Variants in AMT observed in about 807,000 individuals in gnomAD.
AMT encodes aminomethyltransferase, mitochondrial.
A neutral mutation model predicts 39.5 loss-of-function variants in AMT; 24 were observed. The ratio of observed to expected loss-of-function variants is 0.61; its 90% CI spans 0.44 to 0.86. AMT has a LOEUF of 0.86. Ranked by LOEUF, AMT falls within the 40% of genes least tolerant of loss-of-function variation. AMT has a pLI of 0.00. For synonymous variants in AMT, 210 were observed against 212.1 expected, an observed-to-expected ratio of 0.99 and a Z score of 0.09; for missense variants, 501 against 537.0, an observed-to-expected ratio of 0.93 and a Z score of 0.66.
At position 49,417,081 on chromosome 3, in the gene AMT, T is replaced by A. The variant is rs1272972186; in HGVS notation, c.*459A>T. ...CATTCCTGACTTGCAGTAAGGACAA[T>A]TTGCATTTACGGAAAGCAAACTGGA... On this transcript the variant is annotated 3_prime_UTR_variant, in exon 9 of 9. Coordinates refer to ENST00000273588, the MANE Select transcript of AMT (RefSeq NM_000481.4). 1.5e-6 allele frequency: 1 copy of A among 670,166 alleles called. No homozygotes were observed. The highest frequency in any genetic ancestry group is 2.1e-5 in the Admixed American group (1 of 48,702). 41.5% of individuals were successfully genotyped at this position (670,166 alleles called of 1,614,324 possible).
intron 7 of AMT, chr3:49,418,332 G>A (rs1314154321): frequency 2.1e-5 from 7 of 326,810 alleles, no homozygotes; most frequent in South Asian, 5.8e-5. Flanking sequence ...ACAGGCACCC[G>A]CCACCACGCC....
intron 4 of AMT, 95 bp downstream of exon 4, chr3:49,420,116 C>T (rs920814229): frequency 6.5e-7 from 1 of 1,534,834 alleles, no homozygotes; most frequent in Non-Finnish European, 9.0e-7. Context: ...AGCCATTTTC[C>T]AGGTCCCTTG....
intron 5 of AMT, 105 bp downstream of exon 5, chr3:49,419,605 A>G: frequency 2.1e-6 from 3 of 1,448,174 alleles, no homozygotes; most frequent in South Asian, 2.3e-5. Flanking sequence ...ATGGCACACA[A>G]ATATCACACC....
intron 3 of AMT, chr3:49,420,631 A>G (rs2049084549): frequency 2.3e-6 from 1 of 427,800 alleles, no homozygotes; most frequent in Non-Finnish European, 4.4e-6. Flanking sequence ...AATCTATGAC[A>G]CCTAGGACCT....
rs138314933 is a variant in AMT at position 49,417,441 on chromosome 3, C to G, written c.*99G>C. On this transcript the variant is annotated 3_prime_UTR_variant, in exon 9 of 9. Coordinates refer to ENST00000273588, the MANE Select transcript of AMT (RefSeq NM_000481.4). ...ACCAGACAATTAGAATCAGCCTCCA[C>G]CTTAACTGCCCACCCCCAGTGAGTT... 41 of 1,613,230 alleles carry G rather than the reference C, an allele frequency of 2.5e-5. No homozygotes were observed. Among genetic ancestry groups the G allele is most frequent in the Non-Finnish European group, 3.5e-5 (41 of 1,179,888 alleles).
chr3:49,421,390 G>T, intron 3 of AMT, 102 bp downstream of exon 3: 1 of 886,022 alleles, frequency 1.1e-6, no homozygotes, highest in Non-Finnish European at 1.9e-6. Context: ...CTGAGAAGCT[G>T]TGTTTGACTC....
rs2049113347 is a variant in AMT at position 49,422,090 on chromosome 3, C to T, written c.258+14G>A. ...AAGGCCTGATCAGATGGCCAGTGTG[C>T]TCCCCTGGCTCACCTGCAGCATATG... is the stretch of plus-strand genomic sequence containing the variant. On this transcript the variant is annotated intron_variant, in intron 2 of 8. Coordinates refer to ENST00000273588, the MANE Select transcript of AMT (RefSeq NM_000481.4). The T allele has an allele frequency of 1.2e-6, 2 of 1,613,328 alleles. No individual in the cohort carries two copies. The highest frequency in any genetic ancestry group is 2.2e-5 in the East Asian group (1 of 44,884).
At chr3:49,419,920 G>T (rs2049070510) in intron 4 of AMT, 132 bp from the exon 5 acceptor site, 2 of 944,996 alleles carry the variant, frequency 2.1e-6, no homozygotes, top group Admixed American at 1.8e-5. Context: ...AAGGTAGTAG[G>T]CTGGTTCCCA....
intron 4 of AMT, 179 bp downstream of exon 4, chr3:49,420,032 C>A: frequency 1.1e-6 from 1 of 899,394 alleles, no homozygotes; most frequent in East Asian, 2.6e-5. Context: ...GCCTGGTAAT[C>A]CCCCACCACC....
intron 4 of AMT, 173 bp downstream of exon 4, chr3:49,420,038 C>A: frequency 1.1e-6 from 1 of 941,982 alleles, no homozygotes; most frequent in East Asian, 2.6e-5. Flanking sequence ...TAATCCCCCA[C>A]CACCAAACCC....
chr3:49,420,573 A>G, intron 3 of AMT: 1 of 555,444 alleles, frequency 1.8e-6, no homozygotes, highest in Middle Eastern at 5.0e-4. Context: ...ATCTGGTGCA[A>G]CCTCTGCACC....
chr3:49,421,458 A>C (rs1392284091), intron 3 of AMT, 34 bp downstream of exon 3: 1 of 1,587,880 alleles, frequency 6.3e-7, no homozygotes, highest in African/African-American at 1.3e-5. Flanking sequence ...CTCATGACTA[A>C]GAAAACTCAT....
At position 49,420,203 on chromosome 3, in the gene AMT, GGGTATA is replaced by G; in HGVS notation, c.471+2_471+7del. Reference sequence around the variant, plus strand: ...AGACAAGGTGTCTAGAACACAGAGGGGGTATACCTGCATGAGGGCCAAATCTTTCTC... The same window carrying G: ...AGACAAGGTGTCTAGAACACAGAGGGCCTGCATGAGGGCCAAATCTTTCTC... On this transcript the variant is annotated splice_donor_variant and splice_donor_5th_base_variant and intron_variant, in intron 4 of 8. Transcript: ENST00000273588. LOFTEE classifies it high-confidence loss of function. The G allele has an allele frequency of 6.2e-7, 1 of 1,614,192 alleles. No homozygotes were observed.
chr3:49,420,157 A>T (rs2049074053), intron 4 of AMT, 54 bp downstream of exon 4: 2 of 1,611,758 alleles, frequency 1.2e-6, no homozygotes, highest in African/African-American at 1.3e-5. Flanking sequence ...GACAACAAGG[A>T]TACTGCTCTA....
intron 5 of AMT, 110 bp downstream of exon 5, chr3:49,419,600 A>G: frequency 6.9e-7 from 1 of 1,444,462 alleles, no homozygotes; most frequent in Non-Finnish European, 9.8e-7. Context: ...AAATTATGGC[A>G]CACAAATATC....
intron 7 of AMT, chr3:49,418,500 T>TTTTTC (rs2049038975): frequency 7.4e-6 from 1 of 135,898 alleles, no homozygotes; most frequent in South Asian, 2.1e-4. Flanking sequence ...GTTTCTTTTT[T>TTTTTC]TTTTTTTTTT....
In AMT at chr3:49,419,304, A is replaced by AGCCAGACAC; in HGVS notation, c.643_651dup (p.Val215_Gly217dup). On this transcript the variant is annotated inframe_insertion, in exon 6 of 9. Transcript: ENST00000273588. ...GTGTAGCCACAGCGGGTCACGCGGCAGCCAGACACGCCAAACACCTCCATC... is the reference window on the plus strand; with the variant it reads ...GTGTAGCCACAGCGGGTCACGCGGCAGCCAGACACGCCAGACACGCCAAACACCTCCATC... 6.2e-7 allele frequency: 1 copy of AGCCAGACAC among 1,614,174 alleles called. No individual in the cohort carries two copies. The highest frequency in any genetic ancestry group is 8.5e-7 in the Non-Finnish European group (1 of 1,180,020).
Position 49,417,450 on chromosome 3 carries a change from C to T in AMT, c.*90G>A, listed in dbSNP as rs1240536424. The T allele has an allele frequency of 1.2e-6, 2 of 1,613,496 alleles. No individual in the cohort carries two copies. Among genetic ancestry groups the T allele is most frequent in the Non-Finnish European group, 1.7e-6 (2 of 1,179,898 alleles). On this transcript the variant is annotated 3_prime_UTR_variant, in exon 9 of 9. Transcript: ENST00000273588. Reference sequence around the variant, plus strand: ...TTAGAATCAGCCTCCACCTTAACTGCCCACCCCCAGTGAGTTCTGCCTCAG... The same window carrying T: ...TTAGAATCAGCCTCCACCTTAACTGTCCACCCCCAGTGAGTTCTGCCTCAG...
At position 49,417,318 on chromosome 3, in the gene AMT, A is replaced by G; in HGVS notation, c.*222T>C. 6.3e-7 allele frequency: 1 copy of G among 1,596,432 alleles called. No individual in the cohort carries two copies. The highest frequency in any genetic ancestry group is 1.1e-5 in the South Asian group (1 of 90,990). On this transcript the variant is annotated 3_prime_UTR_variant, in exon 9 of 9. Coordinates refer to ENST00000273588, the MANE Select transcript of AMT (RefSeq NM_000481.4). Reference sequence around the variant, plus strand: ...GTCAGTGGGATCATGGACTGAAACAAGACATTGTGTGAGCTGGTCCGTCAC... The same window carrying G: ...GTCAGTGGGATCATGGACTGAAACAGGACATTGTGTGAGCTGGTCCGTCAC...
Sources: allele counts gnomAD v4.1 joint callset, GRCh38; gene constraint gnomAD v4.1.1; transcripts MANE v1.5; gene names NCBI Gene and HGNC (gene_info 2026-07-23, HGNC 2026-07-21).